PCDH15: variants seen among roughly 807,000 people sequenced by gnomAD.
The protein encoded by PCDH15 is protocadherin related 15.
Under a neutral mutation model 178.5 loss-of-function variants are expected in PCDH15, and 129 were observed. The ratio of observed to expected loss-of-function variants is 0.72; its 90% CI spans 0.63 to 0.84. The LOEUF (loss-of-function observed/expected upper bound fraction) is 0.84, where lower values mean the gene tolerates loss of function less well. Ranked by LOEUF, PCDH15 falls within the 40% of genes least tolerant of loss-of-function variation. The pLI is 0.00. For missense variants in PCDH15, 2,230 were observed against 2,099.9 expected (o/e 1.06, Z -1.21); for synonymous variants, 800 against 732.0 (o/e 1.09, Z -1.50).
intron 2 of PCDH15, among the ~76,000 whole-genome samples, chr10:54,648,148 T>A (rs930814932): frequency 2.0e-5 from 3 of 152,090 alleles, no homozygotes; most frequent in African/African-American, 7.2e-5. Context: ...GTTCCTCTGA[T>A]AATCTAAAGT....
At chr10:54,601,439 A>T (rs974461626) in intron 2 of PCDH15, among the ~76,000 whole-genome samples, 3 of 152,110 alleles carry the variant, frequency 2.0e-5, no homozygotes, top group Non-Finnish European at 4.4e-5. Context: ...GTATTTTAAA[A>T]AAGCTCAACA....
intron 1 of PCDH15, among the ~76,000 whole-genome samples, chr10:54,690,080 G>A (rs2095090524): frequency 6.6e-6 from 1 of 152,068 alleles, no homozygotes; most frequent in Admixed American, 6.6e-5. Flanking sequence ...ACATATATGA[G>A]GTGATCCCTT....
At chr10:54,251,841 AAT>A (rs1237898354) in intron 8 of PCDH15, among the ~76,000 whole-genome samples, 1 of 151,578 alleles carries the variant, frequency 6.6e-6, no homozygotes, top group Admixed American at 6.6e-5. Context: ...CTTCTGTATC[AAT>A]ATCTTTATTT....
intron 9 of PCDH15, among the ~76,000 whole-genome samples, 181 bp downstream of exon 9, chr10:54,236,642 T>C (rs1011107029): frequency 6.6e-6 from 1 of 152,146 alleles, no homozygotes; most frequent in African/African-American, 2.4e-5. Context: ...CACATTTCAG[T>C]CCAACAAATT....
At position 54,358,247 on chromosome 10, in the gene PCDH15, A is replaced by T. The variant is rs557452642; in HGVS notation, c.474+10873T>A. On this transcript the variant is annotated intron_variant, in intron 5 of 37. Coordinates refer to ENST00000644397, the MANE Select transcript of PCDH15 (RefSeq NM_001384140.1). Reference sequence around the variant, plus strand: ...ACAGGCAACCTACAAAATGGGAGAAAGTTTTCGCAACCTACTCATCTGACA... The same window carrying T: ...ACAGGCAACCTACAAAATGGGAGAATGTTTTCGCAACCTACTCATCTGACA... Among the ~76,000 whole-genome samples, 227 of 151,534 alleles carry T rather than the reference A, an allele frequency of 1.5e-3. 1 individual carries two copies. Among genetic ancestry groups the T allele is most frequent in the African/African-American group, 5.4e-3 (220 of 41,090 alleles).
intron 1 of PCDH15, among the ~76,000 whole-genome samples, chr10:54,779,029 A>G (rs954646593): frequency 6.6e-6 from 1 of 152,102 alleles, no homozygotes; most frequent in Non-Finnish European, 1.5e-5. Flanking sequence ...TTTTACTCAC[A>G]TATTTACAAC....
intron 1 of PCDH15, among the ~76,000 whole-genome samples, chr10:54,718,115 G>A (rs1225030462): frequency 6.7e-6 from 1 of 149,076 alleles, no homozygotes; most frequent in East Asian, 2.0e-4. Context: ...CTGTTGTGGG[G>A]TGCGGGGAGA....
intron 2 of PCDH15, among the ~76,000 whole-genome samples, chr10:55,609,013 T>C (rs7907375): frequency 0.31 from 45,169 of 146,152 alleles, 7,352 homozygotes; most frequent in East Asian, 0.47. Context: ...GTTATATATA[T>C]ATACACACAC....
chr10:54,041,973 T>C (rs148708035), intron 18 of PCDH15, among the ~76,000 whole-genome samples: 237 of 152,168 alleles, frequency 1.6e-3, no homozygotes, highest in African/African-American at 5.4e-3. Flanking sequence ...TTATTTGATA[T>C]TAGTAACATT....
intron 2 of PCDH15, among the ~76,000 whole-genome samples, chr10:55,593,636 C>CT (rs998630635): frequency 1.1e-3 from 161 of 150,188 alleles, no homozygotes; most frequent in Middle Eastern, 6.9e-3. Flanking sequence ...ACTGTTTTAG[C>CT]TTTTTTTTTA....
chr10:55,493,559 G>A (rs1272349816), intron 2 of PCDH15, among the ~76,000 whole-genome samples: 1 of 151,194 alleles, frequency 6.6e-6, no homozygotes, highest in Non-Finnish European at 1.5e-5. Flanking sequence ...AAAAGGGAAA[G>A]AATAAATAGC....
chr10:55,473,840 GA>G (rs1174556548), intron 2 of PCDH15, among the ~76,000 whole-genome samples: 3 of 152,048 alleles, frequency 2.0e-5, no homozygotes, highest in Non-Finnish European at 4.4e-5. Flanking sequence ...TATTTATTAA[GA>G]AGTCACTGCA....
intron 20 of PCDH15, among the ~76,000 whole-genome samples, chr10:53,998,631 A>G (rs995282479): frequency 1.3e-5 from 2 of 152,206 alleles, no homozygotes; most frequent in Non-Finnish European, 2.9e-5. Context: ...AAAAAAAATA[A>G]AAATAAAGAG....
chr10:54,286,869 C>T (rs998015545), intron 8 of PCDH15, among the ~76,000 whole-genome samples: 4 of 152,156 alleles, frequency 2.6e-5, no homozygotes, highest in Admixed American at 2.0e-4. Flanking sequence ...CTCTGGTGAT[C>T]CACCCACCTC....
In PCDH15 at chr10:55,597,588, A is replaced by T. The variant is rs140683767; in HGVS notation, c.-156+30037T>A. 2.9e-3 allele frequency among the ~76,000 whole-genome samples: 444 copies of T among 152,306 alleles called. 1 individual carries two copies. The highest frequency in any genetic ancestry group is 4.7e-3 in the Non-Finnish European group (318 of 68,030). On this transcript the variant is annotated intron_variant, in intron 2 of 5. Coordinates refer to the PCDH15 transcript ENST00000613346. ...AAATTTCTGTCTTAATACTTATATA[A>T]TACTTCAAGCATCCCTCTCTGAAAA... is the stretch of plus-strand genomic sequence containing the variant.
rs34468887 is a variant in PCDH15 at position 55,334,221 on chromosome 10, C to CATATATATATAT, written c.-155-167582_-155-167571dup. ...TCTGATGTTCATAACTAGGGTGCTC[C>CATATATATATAT]ATATATATATATATATATATATGTG... is the stretch of plus-strand genomic sequence containing the variant. On this transcript the variant is annotated intron_variant, in intron 2 of 5. Coordinates refer to the PCDH15 transcript ENST00000613346. Among the ~76,000 whole-genome samples the CATATATATATAT allele has an allele frequency of 2.6e-3, 165 of 62,674 alleles. 3 individuals are homozygous for CATATATATATAT. The highest frequency in any genetic ancestry group is 6.1e-3 in the African/African-American group (55 of 8,972). The allele number at this position is 62,674 out of a possible 152,430, so 41.1% of individuals were successfully genotyped here.
intron 9 of PCDH15, among the ~76,000 whole-genome samples, chr10:54,231,924 G>A (rs192421401): frequency 5.9e-5 from 9 of 152,228 alleles, no homozygotes; most frequent in Admixed American, 2.0e-4. Context: ...GCTCATAGGC[G>A]GAAGGGACTT....
chr10:54,146,895 C>CAT (rs1372565712), intron 14 of PCDH15, among the ~76,000 whole-genome samples: 13 of 43,656 alleles, frequency 3.0e-4, no homozygotes, highest in South Asian at 1.0e-3. Flanking sequence ...TGTGTGTATA[C>CAT]ATATATATAT....
intron 14 of PCDH15, among the ~76,000 whole-genome samples, chr10:54,152,143 A>G (rs1035120700): frequency 6.6e-6 from 1 of 152,192 alleles, no homozygotes; most frequent in Non-Finnish European, 1.5e-5. Context: ...CCTACTGTGT[A>G]CTAAGATACA....
Sources: allele counts gnomAD v4.1 joint callset (sites outside exome capture counted in the v4.1 genomes callset), GRCh38; gene constraint gnomAD v4.1.1; transcripts MANE v1.5; gene names NCBI Gene and HGNC (gene_info 2026-07-23, HGNC 2026-07-21).